ARFGEF3: variants seen among roughly 807,000 people sequenced by gnomAD.
ARFGEF3 encodes the protein ARFGEF family member 3.
Under a neutral mutation model 221.7 loss-of-function variants are expected in ARFGEF3, and 96 were observed. That is an observed-to-expected ratio of 0.43 (90% confidence interval 0.37 to 0.51). The LOEUF (loss-of-function observed/expected upper bound fraction) is 0.51, where lower values mean the gene tolerates loss of function less well. ARFGEF3 is among the 20% of genes least tolerant of loss of function. ARFGEF3 has a pLI of 0.00. For synonymous variants in ARFGEF3, 1,145 were observed against 1,126.8 expected (o/e 1.02, Z -0.32); for missense variants, 2,410 against 2,789.9 (o/e 0.86, Z 3.07).
intron 2 of ARFGEF3, among the ~76,000 whole-genome samples, chr6:138,190,448 T>A (rs3813339): frequency 1.3e-5 from 2 of 152,068 alleles, no homozygotes; most frequent in African/African-American, 2.4e-5. Context: ...ATTCTGAGCC[T>A]TAAATGGTAC....
chr6:138,187,779 C>T (rs568401078), intron 2 of ARFGEF3, among the ~76,000 whole-genome samples: 2 of 152,198 alleles, frequency 1.3e-5, no homozygotes, highest in African/African-American at 4.8e-5. Flanking sequence ...GGGAGAAACA[C>T]TGTAGCCCAC....
At chr6:138,251,816 T>G (rs954287647) in intron 8 of ARFGEF3, among the ~76,000 whole-genome samples, 1 of 152,172 alleles carries the variant, frequency 6.6e-6, no homozygotes, top group African/African-American at 2.4e-5. Context: ...TCCTGCCATA[T>G]GGTCTCATAG....
intron 7 of ARFGEF3, 30 bp from the exon 8 acceptor site, chr6:138,245,483 C>A: frequency 6.5e-7 from 1 of 1,549,544 alleles, no homozygotes; most frequent in Non-Finnish European, 8.9e-7. Context: ...CTGTCGATGT[C>A]TCATGCCTGT....
At chr6:138,185,002 A>G (rs1255730498) in intron 2 of ARFGEF3, among the ~76,000 whole-genome samples, 1 of 152,190 alleles carries the variant, frequency 6.6e-6, no homozygotes, top group Non-Finnish European at 1.5e-5. Flanking sequence ...CAATGGAGAA[A>G]CCATTGCTTG....
intron 22 of ARFGEF3, among the ~76,000 whole-genome samples, chr6:138,303,827 G>A (rs148433191): frequency 5.3e-4 from 63 of 119,570 alleles, no homozygotes; most frequent in South Asian, 2.3e-3. Flanking sequence ...GTGCCATTGC[G>A]CCCCAGCCTG....
chr6:138,199,866 T>A (rs933110747), intron 2 of ARFGEF3, among the ~76,000 whole-genome samples: 1 of 152,210 alleles, frequency 6.6e-6, no homozygotes, highest in Non-Finnish European at 1.5e-5. Context: ...ACGCCCTTTA[T>A]TTCTTCCTCT....
intron 14 of ARFGEF3, among the ~76,000 whole-genome samples, chr6:138,284,853 A>G (rs1166473745): frequency 2.0e-5 from 3 of 152,200 alleles, no homozygotes; most frequent in Non-Finnish European, 2.9e-5. Flanking sequence ...GTGTACTTAC[A>G]CACCTAGGCT....
In ARFGEF3 at chr6:138,227,631, G is replaced by C. The variant is rs972300445; in HGVS notation, c.352-2153G>C. 2.6e-5 allele frequency among the ~76,000 whole-genome samples: 4 copies of C among 151,986 alleles called. No homozygotes were observed. In the South Asian group the frequency reaches 6.3e-4, roughly 24 times the overall value. On this transcript the variant is annotated intron_variant, in intron 4 of 33. Transcript: ENST00000251691. ...TGGCCACCACCAACTCAGACTCCCC[G>C]CCCCCCGCCATGAAACATGGCACTA... is the stretch of plus-strand genomic sequence containing the variant.
intron 20 of ARFGEF3, among the ~76,000 whole-genome samples, chr6:138,296,485 A>G (rs1490499805): frequency 3.3e-5 from 5 of 152,168 alleles, no homozygotes; most frequent in South Asian, 2.1e-4. Flanking sequence ...CAACTACTAA[A>G]TGGTGCCAGG....
chr6:138,248,720 G>C (rs777254085), intron 8 of ARFGEF3, among the ~76,000 whole-genome samples: 166 of 152,220 alleles, frequency 1.1e-3, no homozygotes, highest in Non-Finnish European at 2.1e-3. Flanking sequence ...CAGCTACTAG[G>C]GGGGCTGAGG....
rs1780291508 is a variant in ARFGEF3 at position 138,334,814 on chromosome 6, C to T, written c.5968C>T (p.Pro1990Ser). 6.2e-7 allele frequency: 1 copy of T among 1,602,378 alleles called. No homozygotes were observed. Among genetic ancestry groups the T allele is most frequent in the Non-Finnish European group, 8.5e-7 (1 of 1,174,794 alleles). Residue 1990 changes from proline to serine, a missense_variant, in exon 33 of 34, where the codon CCC becomes TCC. Pro to Ser is a moderately conservative substitution (Grantham distance 74). This residue lies in a region of ARFGEF3 where 339 missense variants were observed against 334.9 expected (regional missense o/e 1.01). Coordinates refer to ENST00000251691, the MANE Select transcript of ARFGEF3 (RefSeq NM_020340.5). This position sits in a 1 kb window ranked among gnomAD's most constrained non-coding sequence, Gnocchi z 5.1. ...CGGTGGTGGGGACCTGCTGCTGCCC[C>T]CCAGCCCCAAAGTGGAGAAGAAGGA... Reference protein sequence around the residue: ...KAGGGDLLLPPSPKVEKKDPS... With the variant: ...KAGGGDLLLPSSPKVEKKDPS...
rs142274830 is a variant in ARFGEF3, at chr6:138,279,524, A to G, written c.2296-475A>G. 2.0e-4 allele frequency among the ~76,000 whole-genome samples: 30 copies of G among 152,324 alleles called. No individual in the cohort carries two copies. In the East Asian group the frequency reaches 5.2e-3, roughly 26 times the overall value. ...ATTATCAGTTCCTGAGCCTAAATCC[A>G]TGGATCTACATGAAGGAAATCAATA... On this transcript the variant is annotated intron_variant, in intron 13 of 33. Transcript: ENST00000251691.
intron 1 of ARFGEF3, among the ~76,000 whole-genome samples, chr6:138,169,453 TA>T (rs1400685650): frequency 1.3e-5 from 2 of 152,196 alleles, no homozygotes; most frequent in African/African-American, 4.8e-5. Context: ...CTTGGTTGAC[TA>T]TATATCCCTC....
intron 14 of ARFGEF3, among the ~76,000 whole-genome samples, chr6:138,282,443 C>T (rs2114622476): frequency 6.6e-6 from 1 of 152,318 alleles, no homozygotes; most frequent in African/African-American, 2.4e-5. Flanking sequence ...GTCCAAAGGG[C>T]ATGTTATGTT....
intron 4 of ARFGEF3, among the ~76,000 whole-genome samples, chr6:138,225,892 G>A (rs373565734): frequency 5.3e-5 from 8 of 152,150 alleles, no homozygotes; most frequent in Non-Finnish European, 1.2e-4. Context: ...CAGGCTTAAA[G>A]GTCTGTCTCA....
chr6:138,299,290 G>A (rs1157190723), intron 22 of ARFGEF3, among the ~76,000 whole-genome samples: 3 of 148,956 alleles, frequency 2.0e-5, no homozygotes, highest in Non-Finnish European at 4.5e-5. Context: ...TTTGAAACTA[G>A]GCAATTAAAA....
At chr6:138,250,929 T>C (rs775885795) in intron 8 of ARFGEF3, among the ~76,000 whole-genome samples, 3 of 152,208 alleles carry the variant, frequency 2.0e-5, no homozygotes, top group Non-Finnish European at 2.9e-5. Context: ...TACTTACTTG[T>C]TTGTACAAGG....
In ARFGEF3 at chr6:138,297,054, T is replaced by C. The variant is rs1008723509; in HGVS notation, c.3648+99T>C. 4.2e-5 allele frequency: 58 copies of C among 1,372,340 alleles called. 1 individual carries two copies. Among genetic ancestry groups the C allele is most frequent in the East Asian group, 3.5e-4 (15 of 43,280 alleles). 85.0% of individuals were successfully genotyped at this position (1,372,340 alleles called of 1,614,324 possible). ...AGTCATGTATGGGGGCAAAGCACTGTGGCCATTGGGCAGTGGGAACTTGCC... is the reference window on the plus strand; with the variant it reads ...AGTCATGTATGGGGGCAAAGCACTGCGGCCATTGGGCAGTGGGAACTTGCC... On this transcript the variant is annotated intron_variant, in intron 21 of 33. Transcript: ENST00000251691.
chr6:138,206,993 T>C, intron 2 of ARFGEF3, 49 bp from the exon 3 acceptor site: 1 of 1,485,696 alleles, frequency 6.7e-7, no homozygotes, highest in Non-Finnish European at 9.3e-7. Flanking sequence ...ATCACTTGAC[T>C]GCCAGCTTTA....
Sources: gnomAD v4.1 joint callset for allele counts (sites outside exome capture counted in the v4.1 genomes callset) on GRCh38, gnomAD v4.1.1 for gene constraint, gnomAD v4.1.1 regional missense constraint, Gnocchi (gnomAD v3.1) non-coding constraint, MANE v1.5 for transcripts, NCBI Gene and HGNC (gene_info 2026-07-23, HGNC 2026-07-21) for gene names.